LRCH3: variants seen among roughly 807,000 people sequenced by gnomAD.
LRCH3 encodes the protein DISP complex protein LRCH3.
In LRCH3, 68 loss-of-function variants were observed where a neutral mutation model predicts 104.5. That is an observed-to-expected ratio of 0.65 (90% CI 0.54 to 0.80). The LOEUF (loss-of-function observed/expected upper bound fraction) is 0.80, where lower values mean the gene tolerates loss of function less well. Ranked by LOEUF, LRCH3 falls within the 30% of genes least tolerant of loss-of-function variation. The pLI is 0.00. For synonymous variants in LRCH3, 344 were observed against 361.3 expected, an observed-to-expected ratio of 0.95 and a Z score of 0.54; for missense variants, 951 against 953.9, an observed-to-expected ratio of 1.00 and a Z score of 0.04.
Position 197,835,611 on chromosome 3 carries a change from A to G in LRCH3, c.1103-63A>G, listed in dbSNP as rs958320997. On this transcript the variant is annotated intron_variant, in intron 8 of 20. Transcript: ENST00000425562. Reference sequence around the variant, plus strand: ...AATAAGTAAATGTCTTTTATTGGCTATCTAATTTGAATGTTTTTTTCTGGT... The same window carrying G: ...AATAAGTAAATGTCTTTTATTGGCTGTCTAATTTGAATGTTTTTTTCTGGT... 8.7e-6 allele frequency: 12 copies of G among 1,383,852 alleles called. No individual in the cohort carries two copies. In the South Asian group the frequency reaches 1.7e-4, roughly 19 times the overall value. The allele number at this position is 1,383,852 out of a possible 1,614,324, so 85.7% of individuals were successfully genotyped here.
chr3:197,863,495 G>A (rs1478656060), intron 15 of LRCH3, among the ~76,000 whole-genome samples: 3 of 152,076 alleles, frequency 2.0e-5, no homozygotes, highest in Admixed American at 6.6e-5. Context: ...TCTTGACCAC[G>A]TGATCCACCC....
At chr3:197,845,886 A>G (rs1738607411) in intron 10 of LRCH3, among the ~76,000 whole-genome samples, 1 of 152,246 alleles carries the variant, frequency 6.6e-6, no homozygotes, top group Non-Finnish European at 1.5e-5. Flanking sequence ...CCTGGGTGAC[A>G]GGGCAAGACT....
chr3:197,828,033 C>T (rs554781217), intron 5 of LRCH3, among the ~76,000 whole-genome samples: 31 of 147,102 alleles, frequency 2.1e-4, no homozygotes, highest in Non-Finnish European at 3.7e-4. Flanking sequence ...GCTGAGATGG[C>T]GCCACTGCAC....
intron 14 of LRCH3, among the ~76,000 whole-genome samples, chr3:197,857,416 C>T (rs781054313): frequency 1.1e-4 from 15 of 141,306 alleles, no homozygotes; most frequent in South Asian, 2.2e-4. Context: ...CATTCTCTTC[C>T]GGCTACCCCT....
intron 12 of LRCH3, chr3:197,848,633 C>T (rs1319961090): frequency 1.3e-5 from 2 of 152,636 alleles, no homozygotes; most frequent in African/African-American, 4.8e-5. Flanking sequence ...ATCTGTCTCT[C>T]ATTTATCTGT....
intron 4 of LRCH3, among the ~76,000 whole-genome samples, chr3:197,822,330 C>G (rs1182733954): frequency 6.6e-6 from 1 of 152,000 alleles, no homozygotes; most frequent in Non-Finnish European, 1.5e-5. Flanking sequence ...CAAATTTCTC[C>G]CTAGGGTTAC....
chr3:197,813,212 T>C (rs1463438459), intron 1 of LRCH3, among the ~76,000 whole-genome samples: 35 of 152,226 alleles, frequency 2.3e-4, no homozygotes, highest in Admixed American at 2.2e-3. Context: ...ACCCCAAGCA[T>C]TGATGCTTTG....
At chr3:197,850,260 T>TAGTACG in intron 12 of LRCH3, 1 of 578,492 alleles carries the variant, frequency 1.7e-6, no homozygotes, top group South Asian at 2.3e-5. Flanking sequence ...TAAAACTTAT[T>TAGTACG]GAATGCTTAT....
chr3:197,849,150 G>A (rs2109396286), intron 12 of LRCH3, among the ~76,000 whole-genome samples: 1 of 151,628 alleles, frequency 6.6e-6, no homozygotes, highest in Non-Finnish European at 1.5e-5. Flanking sequence ...TGTAATCCCA[G>A]CTAACCAGGA....
chr3:197,862,137 A>C (rs1290124268), intron 15 of LRCH3, among the ~76,000 whole-genome samples: 1 of 152,176 alleles, frequency 6.6e-6, no homozygotes, highest in Non-Finnish European at 1.5e-5. Flanking sequence ...CTGCGATTAC[A>C]GGCGCATGCC....
intron 18 of LRCH3, 80 bp downstream of exon 18, chr3:197,870,358 C>A: frequency 2.3e-6 from 3 of 1,329,294 alleles, no homozygotes; most frequent in Non-Finnish European, 2.1e-6. Flanking sequence ...CTTCATTTGA[C>A]ACATCATTTT....
chr3:197,798,265 A>AAAAT (rs1018323439), intron 1 of LRCH3, among the ~76,000 whole-genome samples: 6 of 152,138 alleles, frequency 3.9e-5, no homozygotes, highest in South Asian at 2.1e-4. Flanking sequence ...TGTCTCAAAA[A>AAAAT]AAATAAATAA....
At chr3:197,852,366 T>G (rs1484065649) in intron 12 of LRCH3, 195 bp from the exon 13 acceptor site, 1 of 554,092 alleles carries the variant, frequency 1.8e-6, no homozygotes, top group East Asian at 2.9e-5. Context: ...TGATTATAAA[T>G]GTGTTTGTGT....
At position 197,832,332 on chromosome 3, in the gene LRCH3, G is replaced by T. The variant is rs201022620; in HGVS notation, c.1102+15G>T. The T allele has an allele frequency of 5.0e-6, 8 of 1,611,018 alleles. No homozygotes were observed. The South Asian group carries it at 8.8e-5, about 18-fold the overall frequency. On this transcript the variant is annotated intron_variant, in intron 8 of 20. Coordinates refer to ENST00000425562, the MANE Select transcript of LRCH3 (RefSeq NM_001365715.1). ...AAACGGCGGAGGTAAACATAATTCC[G>T]GTGACAGCTAAAGTGTTTGCAACCA... is the stretch of plus-strand genomic sequence containing the variant.
At chr3:197,843,143 A>G (rs201047738) in intron 10 of LRCH3, among the ~76,000 whole-genome samples, 1 of 152,076 alleles carries the variant, frequency 6.6e-6, no homozygotes, top group East Asian at 1.9e-4. Flanking sequence ...ATTTTAGTTC[A>G]GGAGAGATGA....
At chr3:197,794,786 C>T (rs1580510135) in intron 1 of LRCH3, among the ~76,000 whole-genome samples, 1 of 152,184 alleles carries the variant, frequency 6.6e-6, no homozygotes, top group African/African-American at 2.4e-5. Flanking sequence ...GGGCAGATCA[C>T]CTGAGATCGG....
At chr3:197,809,582 C>CTTT (rs1008983445) in intron 1 of LRCH3, among the ~76,000 whole-genome samples, 1 of 146,448 alleles carries the variant, frequency 6.8e-6, no homozygotes, top group Non-Finnish European at 1.5e-5. Context: ...TCTGTTCAGT[C>CTTT]TTTTTTTTTT....
Position 197,840,166 on chromosome 3 carries a change from G to A in LRCH3, c.1328+769G>A, listed in dbSNP as rs369333144. ...ATATTTTGAAAATTAGGCCCTGTGC[G>A]GTGGCTCATATCTGTAATGCCAGCA... On this transcript the variant is annotated intron_variant, in intron 10 of 20. Transcript: ENST00000425562. 3.4e-4 allele frequency among the ~76,000 whole-genome samples: 52 copies of A among 152,136 alleles called. 1 individual carries two copies. In the South Asian group the frequency reaches 9.4e-3, roughly 27 times the overall value.
intron 19 of LRCH3, among the ~76,000 whole-genome samples, chr3:197,873,334 A>T (rs2109536070): frequency 6.6e-6 from 1 of 152,282 alleles, no homozygotes; most frequent in East Asian, 1.9e-4. Context: ...CAGATGTAAT[A>T]TACTTTTCCC....
Sources: allele counts gnomAD v4.1 joint callset (sites outside exome capture counted in the v4.1 genomes callset), GRCh38; gene constraint gnomAD v4.1.1; transcripts MANE v1.5; gene names NCBI Gene and HGNC (gene_info 2026-07-23, HGNC 2026-07-21).